The following AUTS2 variants were observed in gnomAD, a reference collection of about 807,000 sequenced individuals.
AUTS2 encodes autism susceptibility gene 2 protein.
AUTS2 carries 17 observed loss-of-function variants against 112.4 expected under a neutral mutation model. That is an observed-to-expected ratio of 0.15 (90% CI 0.10 to 0.23). The LOEUF (loss-of-function observed/expected upper bound fraction) is 0.23, where lower values mean the gene tolerates loss of function less well. AUTS2 is among the 10% of genes least tolerant of loss of function. AUTS2 has a pLI of 1.00. For missense variants in AUTS2, 1,510 were observed against 1,701.6 expected, an observed-to-expected ratio of 0.89 and a Z score of 1.98; for synonymous variants, 751 against 702.7, an observed-to-expected ratio of 1.07 and a Z score of -1.09.
chr7:70,417,155 G>T (rs1310084801), intron 4 of AUTS2, among the ~76,000 whole-genome samples: 1 of 152,168 alleles, frequency 6.6e-6, no homozygotes, highest in Non-Finnish European at 1.5e-5. Context: ...CATTTCCAAT[G>T]ATTAAAATGT....
intron 5 of AUTS2, among the ~76,000 whole-genome samples, chr7:70,481,351 C>T (rs146102320): frequency 1.4e-3 from 210 of 152,284 alleles, no homozygotes; most frequent in African/African-American, 4.6e-3. Context: ...ATAAATGCCA[C>T]GTCATGAGTT....
At chr7:70,524,425 G>A (rs572976027) in intron 5 of AUTS2, among the ~76,000 whole-genome samples, 3 of 152,150 alleles carry the variant, frequency 2.0e-5, no homozygotes, top group African/African-American at 7.2e-5. Context: ...GAATCCAGGG[G>A]CCTCATCCAC....
intron 5 of AUTS2, among the ~76,000 whole-genome samples, chr7:70,618,679 G>C (rs1425556253): frequency 6.6e-6 from 1 of 152,068 alleles, no homozygotes; most frequent in East Asian, 1.9e-4. Flanking sequence ...ATGCTTGGTG[G>C]AGTGGTTCCC....
intron 4 of AUTS2, among the ~76,000 whole-genome samples, chr7:70,281,360 A>C (rs1788206412): frequency 1.3e-5 from 2 of 152,176 alleles, no homozygotes; most frequent in South Asian, 4.1e-4. Flanking sequence ...AGAGAAAGAG[A>C]TTAGTTTGCA....
chr7:70,395,593 C>G (rs902302172), intron 4 of AUTS2, among the ~76,000 whole-genome samples: 1 of 152,196 alleles, frequency 6.6e-6, no homozygotes. Context: ...GTCCCCTGGT[C>G]TACTGGATGA....
At chr7:70,209,983 A>G (rs1189340811) in intron 4 of AUTS2, among the ~76,000 whole-genome samples, 1 of 152,152 alleles carries the variant, frequency 6.6e-6, no homozygotes, top group Non-Finnish European at 1.5e-5. Context: ...GTAAGAAAAC[A>G]GAAAATACAA....
At chr7:70,658,836 A>T (rs538203551) in intron 5 of AUTS2, among the ~76,000 whole-genome samples, 1 of 152,224 alleles carries the variant, frequency 6.6e-6, no homozygotes, top group Non-Finnish European at 1.5e-5. Context: ...CTTTAATGAC[A>T]GTCTGAAGCC....
At chr7:69,783,088 C>CTTTTTTTTT (rs398047755) in intron 1 of AUTS2, among the ~76,000 whole-genome samples, 1 of 85,136 alleles carries the variant, frequency 1.2e-5, no homozygotes, top group African/African-American at 4.2e-5. Flanking sequence ...TGCTGCTCAT[C>CTTTTTTTTT]TTTTTTTTTT....
chr7:69,973,262 T>G (rs1307825411), intron 2 of AUTS2, among the ~76,000 whole-genome samples: 2 of 152,232 alleles, frequency 1.3e-5, no homozygotes, highest in East Asian at 3.8e-4. Flanking sequence ...ACAACTTATT[T>G]TCAAATGTTG....
chr7:70,481,480 A>G (rs1797784760), intron 5 of AUTS2, among the ~76,000 whole-genome samples: 1 of 152,172 alleles, frequency 6.6e-6, no homozygotes, highest in African/African-American at 2.4e-5. Context: ...CAGTCAAGGG[A>G]GTAGGTCCTG....
intron 2 of AUTS2, among the ~76,000 whole-genome samples, chr7:70,115,679 C>G (rs1805322047): frequency 1.3e-5 from 2 of 152,274 alleles, no homozygotes; most frequent in African/African-American, 4.8e-5. Context: ...TCTACCTGCC[C>G]TTACTTAACT....
At chr7:69,982,208 A>G (rs566725998) in intron 2 of AUTS2, among the ~76,000 whole-genome samples, 9 of 152,262 alleles carry the variant, frequency 5.9e-5, no homozygotes, top group Non-Finnish European at 8.8e-5. Context: ...TGCAAGTATC[A>G]TGGTCTGTGC....
At chr7:70,229,948 T>C (rs925490958) in intron 4 of AUTS2, among the ~76,000 whole-genome samples, 3 of 152,180 alleles carry the variant, frequency 2.0e-5, no homozygotes, top group African/African-American at 7.2e-5. Context: ...TATTCTCTAT[T>C]TGATGAATTA....
At chr7:69,896,502 G>T (rs889385247) in intron 1 of AUTS2, among the ~76,000 whole-genome samples, 24 of 151,694 alleles carry the variant, frequency 1.6e-4, no homozygotes, top group Non-Finnish European at 3.4e-4. Context: ...CTTGCTGTTT[G>T]CTGTGATCCT....
chr7:69,901,689 A>G (rs1056904332), intron 2 of AUTS2, among the ~76,000 whole-genome samples: 1 of 152,240 alleles, frequency 6.6e-6, no homozygotes, highest in Admixed American at 6.5e-5. Context: ...TTTAAAAACA[A>G]GGAGTATTTT....
chr7:70,398,458 T>C (rs1794182959), intron 4 of AUTS2, among the ~76,000 whole-genome samples: 1 of 152,160 alleles, frequency 6.6e-6, no homozygotes, highest in Admixed American at 6.5e-5. Context: ...CTTTCACATA[T>C]TTTTTGTGTG....
At chr7:69,721,774 A>G (rs1798957428) in intron 1 of AUTS2, among the ~76,000 whole-genome samples, 1 of 152,190 alleles carries the variant, frequency 6.6e-6, no homozygotes. Flanking sequence ...TGGTGGAGAC[A>G]AGGAATGATC....
At chr7:70,473,939 A>T (rs1797486735) in intron 5 of AUTS2, among the ~76,000 whole-genome samples, 1 of 152,052 alleles carries the variant, frequency 6.6e-6, no homozygotes, top group African/African-American at 2.4e-5. Flanking sequence ...CACCAGATAA[A>T]ATCCTCCCAG....
intron 5 of AUTS2, among the ~76,000 whole-genome samples, chr7:70,498,060 G>C (rs1798626660): frequency 6.6e-6 from 1 of 152,210 alleles, no homozygotes; most frequent in South Asian, 2.1e-4. Context: ...GGGGTAGACA[G>C]AATGCTGGGA....
Sources: allele counts gnomAD v4.1 joint callset (sites outside exome capture counted in the v4.1 genomes callset), GRCh38; gene constraint gnomAD v4.1.1; transcripts MANE v1.5; gene names NCBI Gene and HGNC (gene_info 2026-07-23, HGNC 2026-07-21).